HNRNPUL1: variants seen among roughly 807,000 people sequenced by gnomAD.
HNRNPUL1 encodes heterogeneous nuclear ribonucleoprotein U like 1, also known as heterogeneous nuclear ribonucleoprotein U-like protein 1.
Under a neutral mutation model 108.5 loss-of-function variants are expected in HNRNPUL1, and 14 were observed. That is an observed-to-expected ratio of 0.13 (90% CI 0.09 to 0.20). HNRNPUL1 has a LOEUF of 0.20. Among genes scored for constraint, HNRNPUL1 ranks in the 10% least tolerant of loss-of-function variants. The pLI is 1.00. For missense variants in HNRNPUL1, 804 were observed against 1,168.3 expected (o/e 0.69, Z 4.55); for synonymous variants, 422 against 445.2 (o/e 0.95, Z 0.66).
chr19:41,271,946 A>T (rs1484489977), intron 2 of HNRNPUL1, 136 bp from the exon 3 acceptor site: 2 of 962,400 alleles, frequency 2.1e-6, no homozygotes, highest in East Asian at 4.9e-5. Context: ...TGTTGAACTC[A>T]GCAAGCTGCC....
chr19:41,301,597 A>G lies in HNRNPUL1; in HGVS notation c.1580A>G (p.Lys527Arg), dbSNP rs148381412. ...AGACCATTTGAAGGCTTCCAGCGCA[A>G]AGCTATTGTAATTTGTCCCACTGAC... ...KMRPFEGFQRKAIVICPTDED... is the reference protein window; with the variant it reads ...KMRPFEGFQRRAIVICPTDED... Residue 527 changes from lysine (K) to arginine (R), a missense_variant, in exon 11 of 15, where the codon AAA becomes AGA. Physicochemically the swap from Lys to Arg is conservative, Grantham distance 26. Around this residue, in one of 4 missense-constraint regions of HNRNPUL1, gnomAD observed 80 missense variants for 221.8 expected, o/e 0.36. Transcript: ENST00000392006. 4 of 1,614,116 alleles carry G rather than the reference A, an allele frequency of 2.5e-6. No individual in the cohort carries two copies. In the African/African-American group the frequency reaches 5.3e-5, roughly 22 times the overall value.
In HNRNPUL1 at chr19:41,281,263, T is replaced by A. The variant is rs754621449; in HGVS notation, c.987T>A (p.Ile329=). ...YGDKFAENDV[I]GCFADFECGN... Reference sequence around the variant, plus strand: ...ACAAGTTTGCAGAGAACGATGTGATTGGCTGCTTTGCGGTGAGTGCTAGCA... The same window carrying A: ...ACAAGTTTGCAGAGAACGATGTGATAGGCTGCTTTGCGGTGAGTGCTAGCA... Residue 329 remains isoleucine, a synonymous_variant, in exon 7 of 15, where the codon ATT becomes ATA. Coordinates refer to ENST00000392006, the MANE Select transcript of HNRNPUL1 (RefSeq NM_007040.6). The A allele has an allele frequency of 2.7e-5, 43 of 1,613,176 alleles. No individual in the cohort carries two copies. The highest frequency in any genetic ancestry group is 3.4e-5 in the Non-Finnish European group (40 of 1,179,252).
At chr19:41,289,853 C>T (rs1225029237) in intron 7 of HNRNPUL1, among the ~76,000 whole-genome samples, 1 of 151,654 alleles carries the variant, frequency 6.6e-6, no homozygotes, top group Non-Finnish European at 1.5e-5. Context: ...GCTGGGATTA[C>T]AGGCACTCGC....
chr19:41,301,413 T>C (rs2032782770), intron 10 of HNRNPUL1, 123 bp from the exon 11 acceptor site: 2 of 740,000 alleles, frequency 2.7e-6, no homozygotes, highest in South Asian at 2.1e-5. Flanking sequence ...GTTTCCTGAG[T>C]TTCTCTGCTT....
In HNRNPUL1 at chr19:41,272,206, G is replaced by C. The variant is rs1475600322; in HGVS notation, c.543G>C (p.Arg181=). ...GGCCTTATGAAGAAAACCGGGGACG[G>C]GGGTACTTTGAGCACCGAGAGGATA... The part of the protein sequence containing the change: ...RKRPYEENRG[R]GYFEHREDRR... The change falls in exon 3 of 15, where the codon CGG becomes CGC. Residue 181 remains arginine, a synonymous_variant. Coordinates refer to ENST00000392006, the MANE Select transcript of HNRNPUL1 (RefSeq NM_007040.6). 1 of 1,613,802 alleles carries C rather than the reference G, an allele frequency of 6.2e-7. No individual in the cohort carries two copies. Among genetic ancestry groups the C allele is most frequent in the Non-Finnish European group, 8.5e-7 (1 of 1,179,966 alleles).
chr19:41,303,003 G>T, intron 12 of HNRNPUL1, 54 bp downstream of exon 12: 1 of 1,488,852 alleles, frequency 6.7e-7, no homozygotes, highest in South Asian at 1.4e-5. Context: ...GTTGGGGCTG[G>T]GCTTTGACTG....
chr19:41,279,251 C>T (rs2122618815), intron 6 of HNRNPUL1, 75 bp downstream of exon 6: 2 of 1,017,226 alleles, frequency 2.0e-6, no homozygotes, highest in East Asian at 4.8e-5. Context: ...GGCTCCTAAG[C>T]TTCCTTTTCC....
chr19:41,265,338 AT>A, intron 1 of HNRNPUL1: 1 of 417,238 alleles, frequency 2.4e-6, no homozygotes, highest in Non-Finnish European at 4.2e-6. Context: ...GCGTTCTCCT[AT>A]TTGGGTACGG....
At chr19:41,266,812 G>A (rs2034878092) in intron 1 of HNRNPUL1, among the ~76,000 whole-genome samples, 1 of 152,220 alleles carries the variant, frequency 6.6e-6, no homozygotes, top group Admixed American at 6.5e-5. Flanking sequence ...AGGGAGGAGT[G>A]TGGATTTGGG....
Position 41,302,065 on chromosome 19 carries a change from C to T in HNRNPUL1, c.1687+361C>T, listed in dbSNP as rs551123418. 8.5e-5 allele frequency among the ~76,000 whole-genome samples: 13 copies of T among 152,174 alleles called. No individual in the cohort carries two copies. In the South Asian group the frequency reaches 2.7e-3, roughly 32 times the overall value. ...GGATGGTGATGCCATCTGTCTGACCCATTCCCTGGGGTGAGGCCTGAGGGA... is the reference window on the plus strand; with the variant it reads ...GGATGGTGATGCCATCTGTCTGACCTATTCCCTGGGGTGAGGCCTGAGGGA... On this transcript the variant is annotated intron_variant, in intron 11 of 14. Transcript: ENST00000392006.
At position 41,271,163 on chromosome 19, in the gene HNRNPUL1, G is replaced by A. The variant is rs2035214252; in HGVS notation, c.419-919G>A. Among the ~76,000 whole-genome samples, 3 of 152,160 alleles carry A rather than the reference G, an allele frequency of 2.0e-5. No homozygotes were observed. In the South Asian group the frequency reaches 6.2e-4, roughly 31 times the overall value. On this transcript the variant is annotated intron_variant, in intron 2 of 14. Transcript: ENST00000392006. ...GTTGATTTTGTCTAACGCCATTCTG[G>A]TTCATCCACAAAGTTAAATCCCCAG...
intron 10 of HNRNPUL1, among the ~76,000 whole-genome samples, chr19:41,299,422 C>G (rs1331880062): frequency 6.6e-6 from 1 of 152,242 alleles, no homozygotes; most frequent in Non-Finnish European, 1.5e-5. Context: ...GCACCCTGTT[C>G]CTATGTCTTA....
At position 41,294,260 on chromosome 19, in the gene HNRNPUL1, G is replaced by A; in HGVS notation, c.1267-78G>A. On this transcript the variant is annotated intron_variant, in intron 8 of 14. Coordinates refer to ENST00000392006, the MANE Select transcript of HNRNPUL1 (RefSeq NM_007040.6). This position sits in a 1 kb window ranked among gnomAD's most constrained non-coding sequence, Gnocchi z 4.3. ...GGCAGCCACAGCTCAGAGGTCCAGA[G>A]TCACACTCACAGTCACCACCGAGCC... 6.5e-7 allele frequency: 1 copy of A among 1,549,190 alleles called. No homozygotes were observed. Among genetic ancestry groups the A allele is most frequent in the Non-Finnish European group, 8.8e-7 (1 of 1,130,860 alleles).
rs1463442605 is a variant in HNRNPUL1 at position 41,272,233 on chromosome 19, G to A, written c.570G>A (p.Arg190=). ...GRGYFEHRED[R]RGRSPQPPAE... is the part of the protein sequence containing the mutation. ...GGTACTTTGAGCACCGAGAGGATAG[G>A]AGGTGGGTGTATGAGGCAGCAGTCA... Residue 190 remains arginine (R), a splice_region_variant and synonymous_variant, in exon 3 of 15, where the codon AGG becomes AGA. Coordinates refer to ENST00000392006, the MANE Select transcript of HNRNPUL1 (RefSeq NM_007040.6). 6.2e-7 allele frequency: 1 copy of A among 1,613,322 alleles called. No individual in the cohort carries two copies. Among genetic ancestry groups the A allele is most frequent in the East Asian group, 2.2e-5 (1 of 44,878 alleles).
intron 2 of HNRNPUL1, among the ~76,000 whole-genome samples, chr19:41,271,409 C>G (rs2035230390): frequency 6.6e-6 from 1 of 152,170 alleles, no homozygotes; most frequent in Admixed American, 6.5e-5. Flanking sequence ...CCTAGAGAAC[C>G]AGGAGACTTT....
At chr19:41,281,336 T>A (rs2035887608) in intron 7 of HNRNPUL1, 61 bp downstream of exon 7, 1 of 1,067,186 alleles carries the variant, frequency 9.4e-7, no homozygotes, top group Admixed American at 1.8e-5. Flanking sequence ...GACTTCTTTT[T>A]CAGGATACCT....
intron 1 of HNRNPUL1, among the ~76,000 whole-genome samples, chr19:41,266,157 G>A (rs2122379208): frequency 6.6e-6 from 1 of 152,256 alleles, no homozygotes; most frequent in South Asian, 2.1e-4. Context: ...CTTTCGGGCC[G>A]AGTGCAGTGG....
intron 1 of HNRNPUL1, chr19:41,265,117 A>C: frequency 2.1e-6 from 3 of 1,419,056 alleles, no homozygotes; most frequent in Non-Finnish European, 2.7e-6. Context: ...TCGGAAGAAC[A>C]AGAGGTTTTC....
chr19:41,298,445 C>G (rs1464798711), intron 10 of HNRNPUL1: 1 of 152,234 alleles, frequency 6.6e-6, no homozygotes. Flanking sequence ...CCAGCAGCCC[C>G]CAGCGACCAC....
Sources: gnomAD v4.1 joint callset for allele counts (sites outside exome capture counted in the v4.1 genomes callset) on GRCh38, gnomAD v4.1.1 for gene constraint, gnomAD v4.1.1 regional missense constraint, Gnocchi (gnomAD v3.1) non-coding constraint, MANE v1.5 for transcripts, NCBI Gene and HGNC (gene_info 2026-07-23, HGNC 2026-07-21) for gene names.